Variants in PLSCR3 observed in about 807,000 individuals in gnomAD.
The protein encoded by PLSCR3 is phospholipid scramblase 3, also known as PL scramblase 3.
Under a neutral mutation model 33.7 loss-of-function variants are expected in PLSCR3, and 17 were observed. The ratio of observed to expected loss-of-function variants is 0.50; its 90% CI spans 0.35 to 0.76. The LOEUF is 0.76. PLSCR3 is among the 30% of genes least tolerant of loss of function. The pLI is 0.01. For missense variants in PLSCR3, 360 were observed against 394.1 expected, an observed-to-expected ratio of 0.91 and a Z score of 0.73; for synonymous variants, 166 against 166.0, an observed-to-expected ratio of 1.00 and a Z score of 0.00.
Position 7,391,954 on chromosome 17 carries a change from G to C in PLSCR3, c.669+837C>G, listed in dbSNP as rs567427131. On this transcript the variant is annotated intron_variant, in intron 6 of 7. Coordinates refer to ENST00000619711, the MANE Select transcript of PLSCR3 (RefSeq NM_020360.4). The surrounding 1 kb of genome is among the most constrained non-coding windows in gnomAD (Gnocchi z 4.1). ...TAATCCCAGCACTTTGGGAGGCTGA[G>C]GTGGGCGGATCACCTGAGGTCAGGA... Among the ~76,000 whole-genome samples the C allele has an allele frequency of 6.6e-6, 1 of 152,352 alleles. No homozygotes were observed. The highest frequency in any genetic ancestry group is 2.1e-4 in the South Asian group (1 of 4,832).
intron 5 of PLSCR3, 27 bp downstream of exon 5, chr17:7,393,117 C>CCCTCCCGGCCCCCTCCCTCCGCCCA: frequency 7.8e-7 from 1 of 1,276,286 alleles, no homozygotes; most frequent in Non-Finnish European, 1.1e-6. Flanking sequence ...CCAAGGCCCG[C>CCCTCCCGGCCCCCTCCCTCCGCCCA]CCTCCCGGCC....
Position 7,390,808 on chromosome 17 carries a change from A to G in PLSCR3, c.670-13T>C. ...CCCGAGTCTTCACCTGTCATCAGGGAGGGAGAAAGGACCCAGCTGAGGAGG... is the reference window on the plus strand; with the variant it reads ...CCCGAGTCTTCACCTGTCATCAGGGGGGGAGAAAGGACCCAGCTGAGGAGG... On this transcript the variant is annotated splice_polypyrimidine_tract_variant and intron_variant, in intron 6 of 7. Transcript: ENST00000619711. 1 of 1,613,624 alleles carries G rather than the reference A, an allele frequency of 6.2e-7. No individual in the cohort carries two copies. Among genetic ancestry groups the G allele is most frequent in the Non-Finnish European group, 8.5e-7 (1 of 1,179,886 alleles).
Position 7,393,930 on chromosome 17 carries a change from C to T in PLSCR3, c.8-94G>A, listed in dbSNP as rs1413185295. On this transcript the variant is annotated intron_variant, in intron 2 of 7. Coordinates refer to ENST00000619711, the MANE Select transcript of PLSCR3 (RefSeq NM_020360.4). ...ATGGGCCGCGAGGCTTCGGGGGAAA[C>T]GTGGTGGCAAGAGGCAGAGAAAGAT... The T allele has an allele frequency of 1.4e-5, 16 of 1,103,492 alleles. No homozygotes were observed. The Admixed American group carries it at 2.8e-4, about 19-fold the overall frequency. 68.4% of individuals were successfully genotyped at this position (1,103,492 alleles called of 1,614,324 possible).
chr17:7,392,758 G>A (rs1412891821), intron 6 of PLSCR3, 33 bp downstream of exon 6: 19 of 1,603,206 alleles, frequency 1.2e-5, no homozygotes, highest in Non-Finnish European at 1.5e-5. Flanking sequence ...CTTGGTTTAC[G>A]AAGGTCCCAA....
Position 7,393,519 on chromosome 17 carries a change from GA to G in PLSCR3, c.244-11del. The G allele has an allele frequency of 6.2e-7, 1 of 1,614,150 alleles. No individual in the cohort carries two copies. Among genetic ancestry groups the G allele is most frequent in the Non-Finnish European group, 8.5e-7 (1 of 1,180,022 alleles). ...TCAAAATCTGATCAATCTGGAAAGA[GA>G]GGGGCGGCGCGCACATCAGCTGGCC... On this transcript the variant is annotated splice_polypyrimidine_tract_variant and intron_variant, in intron 3 of 7. Transcript: ENST00000619711.
At position 7,393,813 on chromosome 17, in the gene PLSCR3, C is replaced by T. The variant is rs1019417385; in HGVS notation, c.31G>A (p.Ala11Thr). The T allele has an allele frequency of 3.6e-5, 55 of 1,509,876 alleles. No homozygotes were observed. The highest frequency in any genetic ancestry group is 7.3e-5 in the East Asian group (3 of 40,850). The allele number at this position is 1,509,876 out of a possible 1,614,324, so 93.5% of individuals were successfully genotyped here. MAGYLPPKGYAPSPPPPYPVT... is the reference protein window; with the variant it reads MAGYLPPKGYTPSPPPPYPVT... The stretch of plus-strand genomic sequence containing the variant: ...GGGTAGGGAGGTGGGGGCGAAGGGG[C>T]GTAGCCTTTGGGGGGCAAGTAGCCT... Residue 11 changes from alanine (A) to threonine (T), a missense_variant, in exon 3 of 8, where the codon GCC becomes ACC. Transcript: ENST00000619711.
chr17:7,390,331 G>T lies in PLSCR3; in HGVS notation c.*54C>A. On this transcript the variant is annotated 3_prime_UTR_variant, in exon 8 of 8. Coordinates refer to ENST00000619711, the MANE Select transcript of PLSCR3 (RefSeq NM_020360.4). ...CTGCCCAGAGGAGGGGCCAGGGCAG[G>T]TGACCATCTGGAGTTCTGGTCGAGG... 3 of 1,363,698 alleles carry T rather than the reference G, an allele frequency of 2.2e-6. No homozygotes were observed. Among genetic ancestry groups the T allele is most frequent in the Non-Finnish European group, 3.0e-6 (3 of 990,354 alleles). 84.5% of individuals were successfully genotyped at this position (1,363,698 alleles called of 1,614,324 possible).
intron 2 of PLSCR3, 118 bp downstream of exon 2, chr17:7,393,986 G>A: frequency 3.9e-6 from 5 of 1,269,988 alleles, no homozygotes; most frequent in Non-Finnish European, 5.6e-6. Context: ...AGGTTCCCCG[G>A]AAGGAAGGGA....
Position 7,393,814 on chromosome 17 carries a change from G to A in PLSCR3, c.30C>T (p.Tyr10=). 2 of 1,508,582 alleles carry A rather than the reference G, an allele frequency of 1.3e-6. No individual in the cohort carries two copies. The highest frequency in any genetic ancestry group is 2.5e-5 in the South Asian group (2 of 81,528). The allele number at this position is 1,508,582 out of a possible 1,614,324, so 93.4% of individuals were successfully genotyped here. ...GGTAGGGAGGTGGGGGCGAAGGGGCGTAGCCTTTGGGGGGCAAGTAGCCTG... is the reference window on the plus strand; with the variant it reads ...GGTAGGGAGGTGGGGGCGAAGGGGCATAGCCTTTGGGGGGCAAGTAGCCTG... MAGYLPPKG[Y]APSPPPPYPV... Residue 10 remains tyrosine (Y), a synonymous_variant, in exon 3 of 8, where the codon TAC becomes TAT. Transcript: ENST00000619711.
At position 7,390,809 on chromosome 17, in the gene PLSCR3, GGGAGAAAGGAC is replaced by G; in HGVS notation, c.670-25_670-15del. The G allele has an allele frequency of 6.2e-7, 1 of 1,613,646 alleles. No individual in the cohort carries two copies. The highest frequency in any genetic ancestry group is 8.5e-7 in the Non-Finnish European group (1 of 1,179,872). On this transcript the variant is annotated splice_polypyrimidine_tract_variant and intron_variant, in intron 6 of 7. Transcript: ENST00000619711. ...CCGAGTCTTCACCTGTCATCAGGGAGGGAGAAAGGACCCAGCTGAGGAGGAGGCAGCCAGTC... is the reference window on the plus strand; with the variant it reads ...CCGAGTCTTCACCTGTCATCAGGGAGCCAGCTGAGGAGGAGGCAGCCAGTC...
intron 6 of PLSCR3, 132 bp downstream of exon 6, chr17:7,392,659 C>T: frequency 1.2e-6 from 1 of 824,364 alleles, no homozygotes; most frequent in South Asian, 1.4e-5. Flanking sequence ...AGGAATGCTA[C>T]AAATGCGGTC....
Position 7,390,670 on chromosome 17 carries a change from C to T in PLSCR3, c.795G>A (p.Arg265=), listed in dbSNP as rs150576973. ...TGGCTCCCAGCAGCACAGCCTTCAC[C>T]CTCACATCCAGGTCCAGCGGGAACT... ...GLQFPLDLDV[R]VKAVLLGATF... is the part of the protein sequence containing the mutation. The change falls in exon 7 of 8, where the codon AGG becomes AGA. Residue 265 remains arginine, a synonymous_variant. Transcript: ENST00000619711. 164 of 1,614,124 alleles carry T rather than the reference C, an allele frequency of 1.0e-4. No individual in the cohort carries two copies. In the East Asian group the frequency reaches 3.5e-3, roughly 34 times the overall value.
At position 7,391,483 on chromosome 17, in the gene PLSCR3, A is replaced by G. The variant is rs1905693062; in HGVS notation, c.670-688T>C. 6.6e-6 allele frequency among the ~76,000 whole-genome samples: 1 copy of G among 152,034 alleles called. No individual in the cohort carries two copies. The highest frequency in any genetic ancestry group is 1.5e-5 in the Non-Finnish European group (1 of 67,982). The stretch of plus-strand genomic sequence containing the variant: ...ACAGGCTCTGCTGATGTGGGTAGTT[A>G]CTCCCCGTGACTTCCTGGTCCTTTT... On this transcript the variant is annotated intron_variant, in intron 6 of 7. Transcript: ENST00000619711. This position sits in a 1 kb window ranked among gnomAD's most constrained non-coding sequence, Gnocchi z 4.1.
intron 2 of PLSCR3, 102 bp from the exon 3 acceptor site, chr17:7,393,938 C>A: frequency 8.9e-7 from 1 of 1,125,658 alleles, no homozygotes. Flanking sequence ...AACGTGGTGG[C>A]AAGAGGCAGA....
rs1192156888 is a variant in PLSCR3 at position 7,390,841 on chromosome 17, C to G, written c.670-46G>C. 4.4e-6 allele frequency: 7 copies of G among 1,593,642 alleles called. No homozygotes were observed. In the East Asian group the frequency reaches 1.3e-4, roughly 31 times the overall value. ...AGGACCCAGCTGAGGAGGAGGCAGC[C>G]AGTCTCACCTGCTCCAGTCTCATTC... On this transcript the variant is annotated intron_variant, in intron 6 of 7. Transcript: ENST00000619711.
chr17:7,393,325 C>A lies in PLSCR3; in HGVS notation c.326G>T (p.Arg109Leu). 2 of 1,612,294 alleles carry A rather than the reference C, an allele frequency of 1.2e-6. No homozygotes were observed. The highest frequency in any genetic ancestry group is 2.2e-5 in the South Asian group (2 of 91,076). Residue 109 changes from arginine to leucine, a missense_variant, in exon 5 of 8, where the codon CGC becomes CTC. Coordinates refer to ENST00000619711, the MANE Select transcript of PLSCR3 (RefSeq NM_020360.4). Reference sequence around the variant, plus strand: ...ACCCAGGGGCTGCCCGGCCCCAGAGCGCAGTTCATACCGATTACAGGTCTC... The same window carrying A: ...ACCCAGGGGCTGCCCGGCCCCAGAGAGCAGTTCATACCGATTACAGGTCTC... ...GWETCNRYEL[R>L]SGAGQPLGQA... is the part of the protein sequence containing the mutation.
At chr17:7,390,950 T>G (rs1905639538) in intron 6 of PLSCR3, among the ~76,000 whole-genome samples, 155 bp from the exon 7 acceptor site, 1 of 152,166 alleles carries the variant, frequency 6.6e-6, no homozygotes, top group Non-Finnish European at 1.5e-5. Context: ...CTTTCCTAAC[T>G]GGTTCCCATC....
intron 6 of PLSCR3, among the ~76,000 whole-genome samples, chr17:7,392,267 C>G (rs1330684192): frequency 6.6e-6 from 1 of 152,210 alleles, no homozygotes; most frequent in Non-Finnish European, 1.5e-5. Flanking sequence ...CAAGGTGCTT[C>G]CCAGGCCTCA....
intron 6 of PLSCR3, among the ~76,000 whole-genome samples, chr17:7,392,136 G>A (rs1905754719): frequency 6.6e-6 from 1 of 152,212 alleles, no homozygotes; most frequent in Admixed American, 6.5e-5. Flanking sequence ...AGTGAGCTGA[G>A]ATCATGCCAT....
Sources: allele counts gnomAD v4.1 joint callset (sites outside exome capture counted in the v4.1 genomes callset), GRCh38; gene constraint gnomAD v4.1.1; non-coding constraint Gnocchi (gnomAD v3.1); transcripts MANE v1.5; gene names NCBI Gene and HGNC (gene_info 2026-07-23, HGNC 2026-07-21).